LMOD1: variants seen among roughly 807,000 people sequenced by gnomAD.
The protein encoded by LMOD1 is leiomodin-1.
In LMOD1, 8 loss-of-function variants were observed where a neutral mutation model predicts 36.5. That is an observed-to-expected ratio of 0.22 (90% CI 0.13 to 0.40). The LOEUF is 0.40. Among genes scored for constraint, LMOD1 ranks in the 10% least tolerant of loss-of-function variants. LMOD1 has a pLI of 1.00. For synonymous variants in LMOD1, 284 were observed against 288.7 expected, an observed-to-expected ratio of 0.98 and a Z score of 0.17; for missense variants, 630 against 751.1, an observed-to-expected ratio of 0.84 and a Z score of 1.88.
intron 1 of LMOD1, among the ~76,000 whole-genome samples, chr1:201,911,602 T>A (rs1374734939): frequency 1.3e-5 from 2 of 152,072 alleles, no homozygotes; most frequent in Admixed American, 1.3e-4. Flanking sequence ...GAGGTGAAGG[T>A]TGCAGTGAGC....
Position 201,945,486 on chromosome 1 carries a change from T to C in LMOD1, c.261+594A>G, listed in dbSNP as rs544655872. Among the ~76,000 whole-genome samples, 3 of 152,184 alleles carry C rather than the reference T, an allele frequency of 2.0e-5. No individual in the cohort carries two copies. In the South Asian group the frequency reaches 6.2e-4, roughly 32 times the overall value. ...AAAAAACATCTTCCCTGGGAATAAA[T>C]TTGAAGCTTATCAGGTCTTTAAGCC... On this transcript the variant is annotated intron_variant, in intron 1 of 2. Transcript: ENST00000367288.
chr1:201,925,883 T>G (rs1409329515), intron 1 of LMOD1, among the ~76,000 whole-genome samples: 1 of 151,940 alleles, frequency 6.6e-6, no homozygotes, highest in African/African-American at 2.4e-5. Flanking sequence ...TTTTAAATTC[T>G]TTTGGAGAGA....
At chr1:201,931,030 G>T (rs1681908678) in intron 1 of LMOD1, among the ~76,000 whole-genome samples, 1 of 152,236 alleles carries the variant, frequency 6.6e-6, no homozygotes. Flanking sequence ...GGGTGATAGT[G>T]AGCATGGATG....
intron 1 of LMOD1, among the ~76,000 whole-genome samples, chr1:201,904,384 AT>A (rs1681378406): frequency 6.6e-6 from 1 of 151,940 alleles, no homozygotes; most frequent in Non-Finnish European, 1.5e-5. Context: ...CTAATTTTGT[AT>A]TTTTGGTAGA....
intron 1 of LMOD1, among the ~76,000 whole-genome samples, chr1:201,934,180 T>A (rs765190787): frequency 1.3e-5 from 2 of 152,220 alleles, no homozygotes; most frequent in Non-Finnish European, 2.9e-5. Flanking sequence ...AGTACTTTCA[T>A]GTTTTCTCTG....
At chr1:201,942,144 T>C (rs1016774745) in intron 1 of LMOD1, among the ~76,000 whole-genome samples, 2 of 152,168 alleles carry the variant, frequency 1.3e-5, no homozygotes, top group Admixed American at 1.3e-4. Flanking sequence ...GGGTCAATTC[T>C]TCCAAGTCCC....
chr1:201,898,475 A>G (rs774018866), intron 2 of LMOD1, 77 bp from the exon 3 acceptor site: 10 of 1,261,374 alleles, frequency 7.9e-6, no homozygotes, highest in Middle Eastern at 3.7e-4. Context: ...AAGGACACAC[A>G]AGACACTGCA....
intron 1 of LMOD1, among the ~76,000 whole-genome samples, chr1:201,929,869 AG>A (rs1254761833): frequency 6.6e-6 from 1 of 152,222 alleles, no homozygotes; most frequent in Non-Finnish European, 1.5e-5. Flanking sequence ...CGAATGGAAC[AG>A]GAGGTGCCAG....
Position 201,898,076 on chromosome 1 carries a change from C to T in LMOD1, c.*296G>A, listed in dbSNP as rs150339393. 797 of 398,354 alleles carry T rather than the reference C, an allele frequency of 2.0e-3. 9 individuals carry two copies. Among genetic ancestry groups the T allele is most frequent in the African/African-American group, 0.012 (592 of 48,504 alleles). The allele number at this position is 398,354 out of a possible 1,614,324, so 24.7% of individuals were successfully genotyped here. A position where few individuals can be genotyped will look rare whatever the true frequency, so the allele number is the denominator to read the frequency against. ...CAGGCCTTTTGCAGCTTGCCAGCTA[C>T]ATGGGCCCTGGACAGTGCCATCTTC... On this transcript the variant is annotated 3_prime_UTR_variant, in exon 3 of 3. Transcript: ENST00000367288.
At chr1:201,927,794 C>T (rs1027740273) in intron 1 of LMOD1, among the ~76,000 whole-genome samples, 1 of 152,114 alleles carries the variant, frequency 6.6e-6, no homozygotes, top group Admixed American at 6.5e-5. Context: ...GCCCTTACTG[C>T]CCTAAGGCAT....
chr1:201,924,364 AGAGG>A (rs199710743), intron 1 of LMOD1, among the ~76,000 whole-genome samples: 3,199 of 76,380 alleles, frequency 0.042, 340 homozygotes, highest in East Asian at 0.14. Flanking sequence ...AGGGAGGGAG[AGAGG>A]GAGGGAGGGA....
intron 1 of LMOD1, among the ~76,000 whole-genome samples, chr1:201,936,162 C>A (rs913766101): frequency 6.6e-6 from 1 of 151,530 alleles, no homozygotes; most frequent in African/African-American, 2.4e-5. Context: ...ACTGATCACC[C>A]CGACTCTTCT....
intron 1 of LMOD1, among the ~76,000 whole-genome samples, chr1:201,916,181 G>A (rs1186059685): frequency 1.3e-5 from 2 of 152,186 alleles, no homozygotes; most frequent in East Asian, 3.9e-4. Flanking sequence ...GCCTCTCGGA[G>A]TGCTGAGATT....
At chr1:201,933,595 TTATATATATATATA>T (rs71141426) in intron 1 of LMOD1, among the ~76,000 whole-genome samples, 18 of 63,216 alleles carry the variant, frequency 2.8e-4, no homozygotes, top group Middle Eastern at 7.9e-3. Context: ...TATACATACA[TTATATATATATATA>T]TATATATATA....
chr1:201,907,563 T>C (rs768767098), intron 1 of LMOD1, among the ~76,000 whole-genome samples: 96 of 152,268 alleles, frequency 6.3e-4, no homozygotes, highest in Middle Eastern at 3.4e-3. Flanking sequence ...GAAATGACCA[T>C]GTATTAAGCC....
chr1:201,945,273 T>G (rs962290461), intron 1 of LMOD1, among the ~76,000 whole-genome samples: 1 of 152,114 alleles, frequency 6.6e-6, no homozygotes, highest in Non-Finnish European at 1.5e-5. Flanking sequence ...TTAAGCCCAT[T>G]GTAGGTGTGG....
intron 1 of LMOD1, among the ~76,000 whole-genome samples, chr1:201,931,725 A>G (rs950237482): frequency 3.3e-5 from 5 of 151,820 alleles, no homozygotes; most frequent in Admixed American, 6.6e-5. Flanking sequence ...GAAAAGAGAG[A>G]TGGGACAAGA....
At chr1:201,908,547 C>T (rs1558236276) in intron 1 of LMOD1, among the ~76,000 whole-genome samples, 1 of 152,172 alleles carries the variant, frequency 6.6e-6, no homozygotes, top group East Asian at 1.9e-4. Flanking sequence ...CCCTGAAAAA[C>T]AGGGGCTCAA....
intron 1 of LMOD1, among the ~76,000 whole-genome samples, chr1:201,945,465 A>G (rs1184520583): frequency 6.6e-6 from 1 of 152,112 alleles, no homozygotes; most frequent in Non-Finnish European, 1.5e-5. Context: ...CACAACAAAA[A>G]ACATCTTCCC....
Sources: gnomAD v4.1 joint callset for allele counts (sites outside exome capture counted in the v4.1 genomes callset) on GRCh38, gnomAD v4.1.1 for gene constraint, MANE v1.5 for transcripts, NCBI Gene and HGNC (gene_info 2026-07-23, HGNC 2026-07-21) for gene names.